Variants in KDR observed in about 807,000 individuals in gnomAD.
The protein encoded by KDR is kinase insert domain receptor, also known as vascular endothelial growth factor receptor 2.
KDR carries 43 observed loss-of-function variants against 160.9 expected under a neutral mutation model. The ratio of observed to expected loss-of-function variants is 0.27; its 90% CI spans 0.21 to 0.34. The LOEUF is 0.34. Among genes scored for constraint, KDR ranks in the 10% least tolerant of loss-of-function variants. KDR has a pLI of 1.00. For synonymous variants in KDR, 617 were observed against 600.1 expected (o/e 1.03, Z -0.41); for missense variants, 1,469 against 1,666.4 (o/e 0.88, Z 2.06).
chr4:55,105,789 T>C lies in KDR; in HGVS notation c.1645+43A>G, dbSNP rs780682007. ...GGGAATTACATAGCTTAGTACCCAC[T>C]GTGTGAGTGATCCAACCCAAACCTC... On this transcript the variant is annotated intron_variant, in intron 12 of 29. Transcript: ENST00000263923. The C allele has an allele frequency of 8.5e-6, 10 of 1,172,544 alleles. No homozygotes were observed. The African/African-American group carries it at 1.5e-4, about 18-fold the overall frequency. 72.6% of individuals were successfully genotyped at this position (1,172,544 alleles called of 1,614,324 possible). A position where few individuals can be genotyped will look rare whatever the true frequency, so the allele number is the denominator to read the frequency against.
At chr4:55,095,547 T>C (rs1720130056) in intron 20 of KDR, 30 bp downstream of exon 20, 2 of 1,479,988 alleles carry the variant, frequency 1.4e-6, no homozygotes, top group Non-Finnish European at 1.9e-6. Context: ...TTTTATAACA[T>C]GGCCAGAGCA....
In KDR at chr4:55,094,834, T is replaced by C. The variant is rs1378451349; in HGVS notation, c.2939A>G (p.Glu980Gly). 3.1e-6 allele frequency: 5 copies of C among 1,614,018 alleles called. No individual in the cohort carries two copies. The highest frequency in any genetic ancestry group is 4.2e-6 in the Non-Finnish European group (5 of 1,179,912). ...TTCTTCTACATCACTGAGGGACTTC[T>C]CCTCCACAAATCCAGAGCTGGCTGA... ...QSSASSGFVE[E>G]KSLSDVEEEE... Residue 980 changes from glutamate (E) to glycine (G), a missense_variant, in exon 21 of 30, where the codon GAG (glutamate) becomes GGG (glycine). By Grantham distance (98) the Glu-to-Gly change is moderately conservative. Coordinates refer to ENST00000263923, the MANE Select transcript of KDR (RefSeq NM_002253.4).
At chr4:55,124,026 G>C (rs1006984508) in intron 1 of KDR, among the ~76,000 whole-genome samples, 2 of 152,340 alleles carry the variant, frequency 1.3e-5, no homozygotes, top group African/African-American at 2.4e-5. Flanking sequence ...TGCCCAGAAA[G>C]GGGGAGAGAG....
intron 26 of KDR, 75 bp from the exon 27 acceptor site, chr4:55,087,833 A>G: frequency 7.0e-7 from 1 of 1,425,552 alleles, no homozygotes; most frequent in Non-Finnish European, 9.9e-7. Context: ...AACAAAGGGC[A>G]CAGGGACTTC....
At chr4:55,114,296 T>G in intron 5 of KDR, 31 bp from the exon 6 acceptor site, 1 of 1,608,162 alleles carries the variant, frequency 6.2e-7, no homozygotes. Flanking sequence ...AAACAGAACA[T>G]GAGAGAGCAA....
At chr4:55,101,837 T>G (rs1720316980) in intron 15 of KDR, 60 bp downstream of exon 15, 8 of 1,435,676 alleles carry the variant, frequency 5.6e-6, no homozygotes, top group Admixed American at 3.4e-5. Context: ...CAGATTCCTT[T>G]TTACGGCTGC....
At position 55,113,493 on chromosome 4, in the gene KDR, A is replaced by T. The variant is rs370413822; in HGVS notation, c.799-12T>A. Reference sequence around the variant, plus strand: ...TTCTTATGCTGATGCTGAAAAAAAGAGTTGACTGAACTTCCAAAGCACAGC... The same window carrying T: ...TTCTTATGCTGATGCTGAAAAAAAGTGTTGACTGAACTTCCAAAGCACAGC... On this transcript the variant is annotated splice_polypyrimidine_tract_variant and intron_variant, in intron 6 of 29. Coordinates refer to ENST00000263923, the MANE Select transcript of KDR (RefSeq NM_002253.4). 1.9e-6 allele frequency: 3 copies of T among 1,613,392 alleles called. No individual in the cohort carries two copies. Among genetic ancestry groups the T allele is most frequent in the Middle Eastern group, 1.7e-4 (1 of 6,060 alleles).
At chr4:55,111,264 A>G (rs1198732809) in intron 7 of KDR, among the ~76,000 whole-genome samples, 1 of 152,190 alleles carries the variant, frequency 6.6e-6, no homozygotes, top group East Asian at 1.9e-4. Flanking sequence ...CCGGGTTGAT[A>G]TGTTAAATAT....
intron 16 of KDR, 92 bp from the exon 17 acceptor site, chr4:55,098,364 C>T: frequency 6.9e-7 from 1 of 1,443,410 alleles, no homozygotes; most frequent in Non-Finnish European, 9.7e-7. Flanking sequence ...AGCCTCATTC[C>T]TGTCTCATTT....
At chr4:55,113,249 A>G (rs1258612993) in intron 7 of KDR, 55 bp downstream of exon 7, 1 of 1,564,878 alleles carries the variant, frequency 6.4e-7, no homozygotes, top group Non-Finnish European at 8.8e-7. Flanking sequence ...ACCTAAATTT[A>G]TTTAAATTAT....
chr4:55,121,216 G>A (rs1720865863), intron 1 of KDR, 26 bp from the exon 2 acceptor site: 4 of 1,557,316 alleles, frequency 2.6e-6, no homozygotes, highest in South Asian at 1.1e-5. Context: ...ATAAATGAAT[G>A]TAGTTGCCAC....
At chr4:55,106,148 T>C (rs1720441330) in intron 11 of KDR, among the ~76,000 whole-genome samples, 1 of 152,108 alleles carries the variant, frequency 6.6e-6, no homozygotes, top group African/African-American at 2.4e-5. Flanking sequence ...ATTTTGGATT[T>C]TTTTTTTTGG....
chr4:55,111,645 T>C (rs1720586079), intron 7 of KDR, among the ~76,000 whole-genome samples: 1 of 152,222 alleles, frequency 6.6e-6, no homozygotes, highest in African/African-American at 2.4e-5. Flanking sequence ...ACAAAAGTAA[T>C]TCTATAAAAA....
Position 55,110,744 on chromosome 4 carries a change from C to T in KDR, c.1001G>A (p.Ser334Asn), listed in dbSNP as rs1373195019. 11 of 1,608,814 alleles carry T rather than the reference C, an allele frequency of 6.8e-6. No homozygotes were observed. Among genetic ancestry groups the T allele is most frequent in the Non-Finnish European group, 9.3e-6 (11 of 1,178,626 alleles). The change falls in exon 8 of 30, where the codon AGT becomes AAT. Residue 334 changes from serine to asparagine, a missense_variant. Around this residue, in one of 7 missense-constraint regions of KDR, gnomAD observed 792 missense variants for 840.9 expected, o/e 0.94. Transcript: ENST00000263923. ...VHEKPFVAFG[S>N]GMESLVEATV... ...GGCTTCCACCAGAGATTCCATGCCA[C>T]TTCCAAAAGCAACAAAAGGTTTTTC...
chr4:55,118,646 G>C lies in KDR; in HGVS notation c.316C>G (p.Arg106Gly), dbSNP rs200544155. The C allele has an allele frequency of 1.5e-5, 24 of 1,614,060 alleles. No homozygotes were observed. The African/African-American group carries it at 3.1e-4, about 21-fold the overall frequency. The stretch of plus-strand genomic sequence containing the variant: ...ATGACCGAGGCCAAGTCAGTTTCCC[G>C]GTAGAAGCACTTGTAGGCTCCAGTG... ...NDTGAYKCFYRETDLASVIYV... is the reference protein window; with the variant it reads ...NDTGAYKCFYGETDLASVIYV... The change falls in exon 3 of 30, where the codon CGG becomes GGG. Residue 106 changes from arginine to glycine, a missense_variant. Arg to Gly is a moderately radical substitution (Grantham distance 125). Transcript: ENST00000263923.
intron 27 of KDR, among the ~76,000 whole-genome samples, chr4:55,086,943 TATC>T (rs1379161744): frequency 2.0e-5 from 3 of 152,174 alleles, no homozygotes; most frequent in Non-Finnish European, 4.4e-5. Context: ...GCAATTTTAA[TATC>T]ATATTGTAGA....
chr4:55,079,593 G>A lies in KDR; in HGVS notation c.*348C>T, dbSNP rs1233623825. 8 of 408,214 alleles carry A rather than the reference G, an allele frequency of 2.0e-5. No homozygotes were observed. Among genetic ancestry groups the A allele is most frequent in the Non-Finnish European group, 3.2e-5 (7 of 220,132 alleles). The allele number at this position is 408,214 out of a possible 1,614,324, so 25.3% of individuals were successfully genotyped here. On this transcript the variant is annotated 3_prime_UTR_variant, in exon 30 of 30. Coordinates refer to ENST00000263923, the MANE Select transcript of KDR (RefSeq NM_002253.4). ...GTTTATCTTCTAGTTTTACAGAAGT[G>A]TCAGCTCCCCAGGTACTGCTACTTC...
rs1719958768 is a variant in KDR at position 55,089,701 on chromosome 4, T to C, written c.3294A>G (p.Ile1098Met). Residue 1098 changes from isoleucine (I) to methionine (M), a missense_variant, in exon 24 of 30, where the codon ATA (isoleucine) becomes ATG (methionine). By Grantham distance (10) the Ile-to-Met change is conservative. Around this residue, in one of 7 missense-constraint regions of KDR, gnomAD observed 132 missense variants for 195.9 expected, o/e 0.67. Transcript: ENST00000263923. ...VWSFGVLLWE[I>M]FSLGASPYPG... ...AAAGAAATGACTTACCTAAGGAAAATATTTCCCACAGCAAAACACCAAAAG... is the reference window on the plus strand; with the variant it reads ...AAAGAAATGACTTACCTAAGGAAAACATTTCCCACAGCAAAACACCAAAAG... 1 of 1,613,384 alleles carries C rather than the reference T, an allele frequency of 6.2e-7. No homozygotes were observed. The highest frequency in any genetic ancestry group is 8.5e-7 in the Non-Finnish European group (1 of 1,179,574).
At chr4:55,091,458 A>G (rs543555111) in intron 22 of KDR, among the ~76,000 whole-genome samples, 1 of 152,326 alleles carries the variant, frequency 6.6e-6, no homozygotes, top group African/African-American at 2.4e-5. Context: ...CCCCAAAAGG[A>G]ACCCTGACTA....
Sources: allele counts gnomAD v4.1 joint callset (sites outside exome capture counted in the v4.1 genomes callset), GRCh38; gene constraint gnomAD v4.1.1; regional missense constraint gnomAD v4.1.1; transcripts MANE v1.5; gene names NCBI Gene and HGNC (gene_info 2026-07-23, HGNC 2026-07-21).